UBR4: variants seen among roughly 807,000 people sequenced by gnomAD.
UBR4 encodes E3 ubiquitin-protein ligase UBR4.
UBR4 carries 124 observed loss-of-function variants against 575.6 expected under a neutral mutation model. The observed-to-expected ratio is 0.22, with a 90% CI of 0.19 to 0.25. The LOEUF is 0.25. Among genes scored for constraint, UBR4 ranks in the 10% least tolerant of loss-of-function variants. UBR4 has a pLI of 1.00. For missense variants in UBR4, 4,818 were observed against 6,478.8 expected, an observed-to-expected ratio of 0.74 and a Z score of 8.80; for synonymous variants, 2,455 against 2,473.7, an observed-to-expected ratio of 0.99 and a Z score of 0.22.
rs780139529 is a variant in UBR4, at chr1:19,144,038, G to C, written c.8121C>G (p.Pro2707=). The C allele has an allele frequency of 5.6e-6, 9 of 1,613,918 alleles. No homozygotes were observed. The highest frequency in any genetic ancestry group is 7.6e-6 in the Non-Finnish European group (9 of 1,179,950). ...CKQALIRVLR[P]RNKRRHVTLP... is the part of the protein sequence containing the mutation. Reference sequence around the variant, plus strand: ...AAGTCACATGTCTCCGTTTGTTCCTGGGCCTTAGGACTCGAATTAGAGCTT... The same window carrying C: ...AAGTCACATGTCTCCGTTTGTTCCTCGGCCTTAGGACTCGAATTAGAGCTT... The change falls in exon 55 of 106, where the codon CCC becomes CCG. Residue 2707 remains proline, a synonymous_variant. Transcript: ENST00000375254.
At position 19,153,211 on chromosome 1, in the gene UBR4, T is replaced by C; in HGVS notation, c.6832+90A>G. On this transcript the variant is annotated intron_variant, in intron 46 of 105. Transcript: ENST00000375254. The surrounding 1 kb of genome is among the most constrained non-coding windows in gnomAD (Gnocchi z 4.1). ...GTGCAAGTAGGACAGTCACATTTCTTCACAGATATTTTCAACAGTCTATTC... is the reference window on the plus strand; with the variant it reads ...GTGCAAGTAGGACAGTCACATTTCTCCACAGATATTTTCAACAGTCTATTC... The C allele has an allele frequency of 7.2e-7, 1 of 1,390,358 alleles. No homozygotes were observed. The highest frequency in any genetic ancestry group is 1.2e-5 in the South Asian group (1 of 80,404). 86.1% of individuals were successfully genotyped at this position (1,390,358 alleles called of 1,614,324 possible). A position where few individuals can be genotyped will look rare whatever the true frequency, so the allele number is the denominator to read the frequency against.
intron 11 of UBR4, among the ~76,000 whole-genome samples, chr1:19,191,683 T>C (rs1038368331): frequency 2.0e-5 from 3 of 152,152 alleles, no homozygotes; most frequent in African/African-American, 7.2e-5. Flanking sequence ...TAGTATATAA[T>C]AGGGATTGAA....
chr1:19,089,027 CCTT>C lies in UBR4; in HGVS notation c.14212-53_14212-51del, dbSNP rs772549993. 3 of 1,584,326 alleles carry C rather than the reference CCTT, an allele frequency of 1.9e-6. No homozygotes were observed. Among genetic ancestry groups the C allele is most frequent in the Middle Eastern group, 1.7e-4 (1 of 6,010 alleles). On this transcript the variant is annotated intron_variant, in intron 97 of 105. Coordinates refer to ENST00000375254, the MANE Select transcript of UBR4 (RefSeq NM_020765.3). This position sits in a 1 kb window ranked among gnomAD's most constrained non-coding sequence, Gnocchi z 4.3. ...ACATGCCTCCAATTATGTAGACAAA[CCTT>C]CTTCCCGGGAGCTTAAAGGTTTAGA...
intron 21 of UBR4, 94 bp downstream of exon 21, chr1:19,174,860 T>C (rs2090049700): frequency 8.6e-7 from 1 of 1,166,752 alleles, no homozygotes; most frequent in Non-Finnish European, 1.2e-6. Context: ...TTCCTCACTA[T>C]AAAAAGTCAG....
intron 32 of UBR4, 90 bp from the exon 33 acceptor site, chr1:19,164,531 A>G (rs1413642020): frequency 1.5e-6 from 2 of 1,361,892 alleles, no homozygotes; most frequent in Admixed American, 2.1e-5. Flanking sequence ...AACATTAAAT[A>G]CATAACTACA....
In UBR4 at chr1:19,105,111, C is replaced by T. The variant is rs751766331; in HGVS notation, c.12582G>A (p.Ala4194=). ...GAGCTGCCAAGTAGACTTTCCAGTG[C>T]GCAGAAGTGATGAGCTTCTGGTAGA... ...LALYQKLITS[A]HWKVYLAARG... The change falls in exon 85 of 106, where the codon GCG becomes GCA. Residue 4194 remains alanine, a synonymous_variant. Transcript: ENST00000375254. 8.1e-6 allele frequency: 13 copies of T among 1,613,946 alleles called. No homozygotes were observed. Among genetic ancestry groups the T allele is most frequent in the African/African-American group, 8.0e-5 (6 of 74,874 alleles).
Position 19,180,060 on chromosome 1 carries a change from C to T in UBR4, c.2185-840G>A, listed in dbSNP as rs547462653. ...ACCATAGGTTGAGCTAAATGCAGAG[C>T]ATACTTTGTTGTCACACCGGATGTG... is the stretch of plus-strand genomic sequence containing the variant. On this transcript the variant is annotated intron_variant, in intron 17 of 105. Transcript: ENST00000375254. Among the ~76,000 whole-genome samples, 369 of 152,294 alleles carry T rather than the reference C, an allele frequency of 2.4e-3. 2 individuals are homozygous for T. Among genetic ancestry groups the T allele is most frequent in the Middle Eastern group, 0.017 (5 of 294 alleles).
intron 1 of UBR4, among the ~76,000 whole-genome samples, chr1:19,205,015 G>A (rs375651536): frequency 6.6e-5 from 10 of 152,234 alleles, no homozygotes; most frequent in African/African-American, 1.4e-4. Context: ...ATATAAGCAC[G>A]GGAAGGAAAA....
Position 19,207,273 on chromosome 1 carries a change from GCTTCCT to G in UBR4, c.176+2794_176+2799del, listed in dbSNP as rs544517826. 4.7e-4 allele frequency among the ~76,000 whole-genome samples: 71 copies of G among 152,358 alleles called. 1 individual carries two copies. In the East Asian group the frequency reaches 0.013, roughly 27 times the overall value. On this transcript the variant is annotated intron_variant, in intron 1 of 105. Coordinates refer to ENST00000375254, the MANE Select transcript of UBR4 (RefSeq NM_020765.3). The stretch of plus-strand genomic sequence containing the variant: ...GTGTTGGCTTTCATCTGGTACTATA[GCTTCCT>G]ATGCAAGACATACTCCCACAATTCT...
At chr1:19,143,259 G>GAAGGAAGGAAGAAAGA (rs1444831970) in intron 55 of UBR4, among the ~76,000 whole-genome samples, 22 of 91,612 alleles carry the variant, frequency 2.4e-4, no homozygotes, top group African/African-American at 7.4e-4. Flanking sequence ...AGGAAGGAAG[G>GAAGGAAGGAAGAAAGA]AAGAAAGAAA....
In UBR4 at chr1:19,157,821, C is replaced by T. The variant is rs746279352; in HGVS notation, c.5754G>A (p.Lys1918=). 1 of 1,614,038 alleles carries T rather than the reference C, an allele frequency of 6.2e-7. No individual in the cohort carries two copies. Among genetic ancestry groups the T allele is most frequent in the African/African-American group, 1.3e-5 (1 of 75,066 alleles). The part of the protein sequence containing the change: ...RRQHLAVSHE[K]GKITVLQLSA... ...CAAGAATTGGAGGACCCACCTTGCC[C>T]TTCTCATGGCTGACAGCCAAATGTT... is the stretch of plus-strand genomic sequence containing the variant. Residue 1918 remains lysine (K), a synonymous_variant, in exon 40 of 106, where the codon AAG becomes AAA. Transcript: ENST00000375254. The surrounding 1 kb of genome is among the most constrained non-coding windows in gnomAD (Gnocchi z 4.4).
rs772860736 is a variant in UBR4 at position 19,105,846 on chromosome 1, C to A, written c.12394-4G>T. 1.3e-6 allele frequency: 2 copies of A among 1,586,170 alleles called. No homozygotes were observed. The highest frequency in any genetic ancestry group is 3.7e-5 in the Admixed American group (2 of 54,280). On this transcript the variant is annotated splice_polypyrimidine_tract_variant and splice_region_variant and intron_variant, in intron 83 of 105. Transcript: ENST00000375254. ...GCGTTGCTGGAGTGAAAAGCACCTG[C>A]AGGACAGGGGAGAGAAGGGGTCGTA...
chr1:19,168,745 A>C (rs2088940170), intron 27 of UBR4, among the ~76,000 whole-genome samples: 2 of 152,208 alleles, frequency 1.3e-5, no homozygotes, highest in African/African-American at 4.8e-5. Context: ...TGGGAGGCTG[A>C]GACAGGCGGA....
At chr1:19,160,003 G>A in intron 39 of UBR4, 108 bp downstream of exon 39, 1 of 1,409,602 alleles carries the variant, frequency 7.1e-7, no homozygotes, top group Admixed American at 2.5e-5. Context: ...GGATGGCCAA[G>A]CATCAACTGC....
At chr1:19,075,091 A>G (rs1370553095) in intron 105 of UBR4, 195 bp from the exon 106 acceptor site, 2 of 619,958 alleles carry the variant, frequency 3.2e-6, no homozygotes, top group African/African-American at 3.6e-5. Flanking sequence ...GTCCTGTTCC[A>G]GAAGCAGGCA....
intron 1 of UBR4, among the ~76,000 whole-genome samples, chr1:19,209,352 T>G (rs1013316011): frequency 2.0e-5 from 3 of 152,208 alleles, no homozygotes; most frequent in South Asian, 2.1e-4. Context: ...TCTTTGTACC[T>G]ACATAACTGT....
At chr1:19,201,645 A>G in intron 2 of UBR4, 73 bp downstream of exon 2, 1 of 1,332,688 alleles carries the variant, frequency 7.5e-7, no homozygotes. Flanking sequence ...TTTTTCAGAT[A>G]CACTAACGAG....
chr1:19,182,752 A>G (rs938680006), intron 17 of UBR4, among the ~76,000 whole-genome samples: 2 of 152,198 alleles, frequency 1.3e-5, no homozygotes, highest in African/African-American at 4.8e-5. Context: ...ATAGAAATAT[A>G]TAACAATATA....
In UBR4 at chr1:19,174,336, T is replaced by C; in HGVS notation, c.2965A>G (p.Lys989Glu). ...QLDTVRRKEN[K>E]NVTALEACAL... is the part of the protein sequence containing the mutation. ...GGTCTTACCAAGGCTGTTACATTCTTGTTTTCCTTTCTCCTAACTGTATCA... is the reference window on the plus strand; with the variant it reads ...GGTCTTACCAAGGCTGTTACATTCTCGTTTTCCTTTCTCCTAACTGTATCA... Residue 989 changes from lysine (K) to glutamate (E), a missense_variant, in exon 22 of 106, where the codon AAG becomes GAG. Lys to Glu is a moderately conservative substitution (Grantham distance 56). Coordinates refer to ENST00000375254, the MANE Select transcript of UBR4 (RefSeq NM_020765.3). 1 of 1,613,260 alleles carries C rather than the reference T, an allele frequency of 6.2e-7. No individual in the cohort carries two copies. The highest frequency in any genetic ancestry group is 8.5e-7 in the Non-Finnish European group (1 of 1,179,874).
Sources: gnomAD v4.1 joint callset for allele counts (sites outside exome capture counted in the v4.1 genomes callset) on GRCh38, gnomAD v4.1.1 for gene constraint, Gnocchi (gnomAD v3.1) non-coding constraint, MANE v1.5 for transcripts, NCBI Gene and HGNC (gene_info 2026-07-23, HGNC 2026-07-21) for gene names.